Variants in ARID3B observed in about 807,000 individuals in gnomAD.
ARID3B encodes the protein AT-rich interaction domain 3B.
In ARID3B, 10 loss-of-function variants were observed where a neutral mutation model predicts 51.9. That is an observed-to-expected ratio of 0.19 (90% confidence interval 0.12 to 0.33). The LOEUF is 0.33. Among genes scored for constraint, ARID3B ranks in the 10% least tolerant of loss-of-function variants. The pLI is 1.00. For missense variants in ARID3B, 483 were observed against 716.3 expected (o/e 0.67, Z 3.72); for synonymous variants, 205 against 279.5 (o/e 0.73, Z 2.66).
intron 4 of ARID3B, among the ~76,000 whole-genome samples, chr15:74,589,553 T>A: frequency 6.6e-6 from 1 of 152,190 alleles, no homozygotes; most frequent in East Asian, 1.9e-4. Flanking sequence ...CAAGCACCTT[T>A]GAAATCATCT....
intron 2 of ARID3B, among the ~76,000 whole-genome samples, chr15:74,551,427 C>T (rs1211329561): frequency 6.6e-6 from 1 of 152,140 alleles, no homozygotes; most frequent in Non-Finnish European, 1.5e-5. Flanking sequence ...TTTATAGATA[C>T]TAAGTCCTTA....
At chr15:74,562,163 T>A (rs934183708) in intron 2 of ARID3B, among the ~76,000 whole-genome samples, 5 of 151,654 alleles carry the variant, frequency 3.3e-5, no homozygotes, top group African/African-American at 1.2e-4. Flanking sequence ...TTTTTGTGAG[T>A]TGAAGTCTTG....
rs140786777 is a variant in ARID3B, at chr15:74,544,438, G to A, written c.502G>A (p.Val168Ile). ...TKDASKASPS[V>I]STAGQPNWNL... ...AGATGCTTCCAAGGCCTCACCTTCT[G>A]TCTCCACAGCAGGACAGCCGAACTG... is the stretch of plus-strand genomic sequence containing the variant. Residue 168 changes from valine (V) to isoleucine (I), a missense_variant, in exon 2 of 9, where the codon GTC becomes ATC. Physicochemically the swap from Val to Ile is conservative, Grantham distance 29. Transcript: ENST00000346246. 545 of 1,614,038 alleles carry A rather than the reference G, an allele frequency of 3.4e-4. No individual in the cohort carries two copies. The highest frequency in any genetic ancestry group is 4.4e-4 in the Non-Finnish European group (520 of 1,180,046).
At chr15:74,567,070 C>T (rs1350629592) in intron 2 of ARID3B, among the ~76,000 whole-genome samples, 1 of 152,082 alleles carries the variant, frequency 6.6e-6, no homozygotes, top group Non-Finnish European at 1.5e-5. Flanking sequence ...TTGATTTAAT[C>T]ATGTGCTTTC....
In ARID3B at chr15:74,596,939, G is replaced by C. The variant is rs541208781; in HGVS notation, c.*1165G>C. On this transcript the variant is annotated 3_prime_UTR_variant, in exon 9 of 9. Coordinates refer to ENST00000346246, the MANE Select transcript of ARID3B (RefSeq NM_006465.4). ...AGGAGGTGGGTGGAGGCATGCAGGG[G>C]AGACGACTCAGGGATCGCGGGGGCG... 4.3e-6 allele frequency: 1 copy of C among 234,012 alleles called. No individual in the cohort carries two copies. The highest frequency in any genetic ancestry group is 1.8e-4 in the South Asian group (1 of 5,578). The allele number at this position is 234,012 out of a possible 1,614,324, so 14.5% of individuals were successfully genotyped here. A position where few individuals can be genotyped will look rare whatever the true frequency, so the allele number is the denominator to read the frequency against.
chr15:74,566,130 C>G (rs768831110), intron 2 of ARID3B, among the ~76,000 whole-genome samples: 7 of 152,162 alleles, frequency 4.6e-5, no homozygotes, highest in African/African-American at 7.2e-5. Flanking sequence ...CCGTCTCCCC[C>G]AGTCCCACAT....
chr15:74,588,742 A>G (rs1339122363), intron 4 of ARID3B, among the ~76,000 whole-genome samples: 3 of 152,136 alleles, frequency 2.0e-5, no homozygotes, highest in South Asian at 2.1e-4. Flanking sequence ...GCTCATTAGT[A>G]GCCCTTCCTC....
chr15:74,572,992 C>G, intron 3 of ARID3B, 59 bp downstream of exon 3: 1 of 1,600,398 alleles, frequency 6.2e-7, no homozygotes, highest in Non-Finnish European at 8.6e-7. Context: ...CTTGTTACAG[C>G]TGATTCCCAA....
At chr15:74,575,790 A>G (rs2061735424) in intron 4 of ARID3B, among the ~76,000 whole-genome samples, 1 of 152,152 alleles carries the variant, frequency 6.6e-6, no homozygotes, top group Non-Finnish European at 1.5e-5. Context: ...CAGAAGGGAA[A>G]CGGTTCTGTC....
At chr15:74,557,072 GCCT>G (rs1221091533) in intron 2 of ARID3B, among the ~76,000 whole-genome samples, 3 of 151,982 alleles carry the variant, frequency 2.0e-5, no homozygotes, top group African/African-American at 7.3e-5. Flanking sequence ...AGCATGCACA[GCCT>G]CCTTTTTCTT....
At chr15:74,589,760 A>C (rs1298907769) in intron 4 of ARID3B, 60 bp from the exon 5 acceptor site, 4 of 1,517,878 alleles carry the variant, frequency 2.6e-6, no homozygotes, top group African/African-American at 2.8e-5. Flanking sequence ...CATACACGGA[A>C]TCTTTCTTCT....
At chr15:74,586,476 G>A (rs1430339221) in intron 4 of ARID3B, among the ~76,000 whole-genome samples, 1 of 152,246 alleles carries the variant, frequency 6.6e-6, no homozygotes, top group Non-Finnish European at 1.5e-5. Flanking sequence ...GTCCTTCAAA[G>A]ATGCCATCTC....
chr15:74,546,623 A>C (rs2061616850), intron 2 of ARID3B, among the ~76,000 whole-genome samples: 1 of 152,226 alleles, frequency 6.6e-6, no homozygotes, highest in South Asian at 2.1e-4. Flanking sequence ...CTCAGTATTC[A>C]GGGGGCTGGC....
intron 4 of ARID3B, among the ~76,000 whole-genome samples, chr15:74,577,637 T>G (rs1343184460): frequency 1.3e-5 from 2 of 152,014 alleles, no homozygotes; most frequent in African/African-American, 4.8e-5. Context: ...TCCTCCCACC[T>G]CAGCCTCCTG....
chr15:74,567,970 A>T (rs2061705820), intron 2 of ARID3B, among the ~76,000 whole-genome samples: 1 of 152,162 alleles, frequency 6.6e-6, no homozygotes, highest in Non-Finnish European at 1.5e-5. Context: ...TGCATGTCAC[A>T]GTGTAAGCTG....
intron 2 of ARID3B, among the ~76,000 whole-genome samples, chr15:74,563,566 G>A (rs1027227874): frequency 2.0e-5 from 3 of 152,132 alleles, no homozygotes; most frequent in South Asian, 2.1e-4. Flanking sequence ...TGTCACCAGC[G>A]GGTCCATTGA....
At chr15:74,550,983 G>A (rs2061635449) in intron 2 of ARID3B, among the ~76,000 whole-genome samples, 1 of 152,174 alleles carries the variant, frequency 6.6e-6, no homozygotes. Flanking sequence ...CAGGGGATTG[G>A]TTCCAAGACC....
Position 74,579,828 on chromosome 15 carries a change from C to CGTGTGTGTGTGTGT in ARID3B, c.697+6656_697+6669dup, listed in dbSNP as rs374538596. Among the ~76,000 whole-genome samples the CGTGTGTGTGTGTGT allele has an allele frequency of 9.0e-4, 124 of 137,842 alleles. 2 individuals are homozygous for CGTGTGTGTGTGTGT. The highest frequency in any genetic ancestry group is 1.4e-3 in the South Asian group (6 of 4,246). 90.4% of individuals were successfully genotyped at this position (137,842 alleles called of 152,430 possible). Reference sequence around the variant, plus strand: ...ATGCCCCTTTGGGCTCACCTGTTGCCGTGTGTGTGTGTGTGTGTGTGTGTG... The same window carrying CGTGTGTGTGTGTGT: ...ATGCCCCTTTGGGCTCACCTGTTGCCGTGTGTGTGTGTGTGTGTGTGTGTGTGTGTGTGTGTGTG... On this transcript the variant is annotated intron_variant, in intron 4 of 8. Coordinates refer to ENST00000346246, the MANE Select transcript of ARID3B (RefSeq NM_006465.4).
chr15:74,582,024 T>C (rs1270892614), intron 4 of ARID3B, among the ~76,000 whole-genome samples: 1 of 152,206 alleles, frequency 6.6e-6, no homozygotes, highest in Non-Finnish European at 1.5e-5. Context: ...CCATGAGGTG[T>C]GCCCCAGCCC....
Sources: allele counts gnomAD v4.1 joint callset (sites outside exome capture counted in the v4.1 genomes callset), GRCh38; gene constraint gnomAD v4.1.1; transcripts MANE v1.5; gene names NCBI Gene and HGNC (gene_info 2026-07-23, HGNC 2026-07-21).